Variants in RASSF5 observed in about 807,000 individuals in gnomAD.
RASSF5 encodes the protein Ras association domain family member 5, also known as ras association domain-containing protein 5.
RASSF5 carries 25 observed loss-of-function variants against 40.5 expected under a neutral mutation model. The ratio of observed to expected loss-of-function variants is 0.62; its 90% CI spans 0.45 to 0.86. RASSF5 has a LOEUF of 0.86. Ranked by LOEUF, RASSF5 falls within the 40% of genes least tolerant of loss-of-function variation. The pLI, the probability that RASSF5 is intolerant of heterozygous loss-of-function variation, is 0.00. For missense variants in RASSF5, 521 were observed against 572.8 expected, an observed-to-expected ratio of 0.91 and a Z score of 0.92; for synonymous variants, 246 against 252.4, an observed-to-expected ratio of 0.97 and a Z score of 0.24.
intron 1 of RASSF5, among the ~76,000 whole-genome samples, chr1:206,518,923 G>A (rs782286578): frequency 6.6e-6 from 1 of 151,518 alleles, no homozygotes; most frequent in African/African-American, 2.4e-5. Flanking sequence ...TAGCCCTTCA[G>A]ACCCTGCCAA....
chr1:206,561,069 T>C (rs1553402499), intron 2 of RASSF5, among the ~76,000 whole-genome samples: 1 of 152,216 alleles, frequency 6.6e-6, no homozygotes, highest in African/African-American at 2.4e-5. Flanking sequence ...ACTCTTGGCA[T>C]GTTAAACAGG....
At chr1:206,555,475 G>T (rs1667954039) in intron 2 of RASSF5, among the ~76,000 whole-genome samples, 1 of 151,860 alleles carries the variant, frequency 6.6e-6, no homozygotes. Flanking sequence ...GTTATTGATG[G>T]CCCAAGGATC....
chr1:206,542,445 C>T (rs1332387264), intron 2 of RASSF5: 1 of 152,194 alleles, frequency 6.6e-6, no homozygotes, highest in East Asian at 1.9e-4. Flanking sequence ...CCTGAGGCCT[C>T]CCCAGAAGCC....
Position 206,570,248 on chromosome 1 carries a change from C to G in RASSF5, c.580-13021C>G, listed in dbSNP as rs531439969. ...CTGGCACTACAGGCATGGACCACCA[C>G]GCTTGGCTAATTTTTTTGTATTTTT... On this transcript the variant is annotated intron_variant, in intron 2 of 5. Coordinates refer to ENST00000579436, the MANE Select transcript of RASSF5 (RefSeq NM_182663.4). 1.8e-3 allele frequency among the ~76,000 whole-genome samples: 268 copies of G among 151,998 alleles called. 1 individual carries two copies. Among genetic ancestry groups the G allele is most frequent in the Non-Finnish European group, 2.9e-3 (198 of 67,952 alleles).
At chr1:206,565,333 C>T (rs1220665068) in intron 2 of RASSF5, among the ~76,000 whole-genome samples, 1 of 152,206 alleles carries the variant, frequency 6.6e-6, no homozygotes, top group African/African-American at 2.4e-5. Flanking sequence ...TCTGTGTATC[C>T]TGCCTACAAC....
chr1:206,577,156 C>CT (rs1668686995), intron 2 of RASSF5, among the ~76,000 whole-genome samples: 2 of 152,088 alleles, frequency 1.3e-5, no homozygotes, highest in Admixed American at 6.6e-5. Context: ...CCAGTAGCTG[C>CT]TTTTGTGCCA....
intron 1 of RASSF5, chr1:206,518,567 G>C (rs1273240582): frequency 7.5e-6 from 3 of 398,620 alleles, no homozygotes; most frequent in Non-Finnish European, 1.3e-5. Context: ...CAATCTGACT[G>C]GGGGAGCTTG....
At chr1:206,508,690 T>C (rs896318727) in intron 1 of RASSF5, among the ~76,000 whole-genome samples, 3 of 151,968 alleles carry the variant, frequency 2.0e-5, no homozygotes, top group Non-Finnish European at 4.4e-5. Flanking sequence ...CCTCAAACCT[T>C]TGGACTCTGC....
intron 2 of RASSF5, among the ~76,000 whole-genome samples, chr1:206,558,054 C>T (rs1442100613): frequency 6.6e-6 from 1 of 152,200 alleles, no homozygotes; most frequent in East Asian, 1.9e-4. Flanking sequence ...AAACTGAATG[C>T]CACCCAATCC....
At chr1:206,510,601 C>T (rs563956997) in intron 1 of RASSF5, among the ~76,000 whole-genome samples, 14 of 152,170 alleles carry the variant, frequency 9.2e-5, no homozygotes, top group Non-Finnish European at 1.9e-4. Flanking sequence ...GTACAATTTG[C>T]GAACTCTGCC....
intron 1 of RASSF5, among the ~76,000 whole-genome samples, chr1:206,512,857 T>C (rs933538385): frequency 6.6e-6 from 1 of 152,204 alleles, no homozygotes; most frequent in African/African-American, 2.4e-5. Context: ...GTGCCTTTTC[T>C]CTGAAGAGCC....
intron 1 of RASSF5, among the ~76,000 whole-genome samples, chr1:206,517,044 G>A (rs1398240699): frequency 2.0e-5 from 3 of 152,216 alleles, no homozygotes; most frequent in Non-Finnish European, 4.4e-5. Context: ...CCTTCTCCCT[G>A]AGGAAGCATT....
At chr1:206,574,853 CTTTTTTTT>C (rs71570015) in intron 2 of RASSF5, among the ~76,000 whole-genome samples, 11 of 86,072 alleles carry the variant, frequency 1.3e-4, no homozygotes, top group Admixed American at 1.1e-3. Flanking sequence ...GGACCAATGA[CTTTTTTTT>C]TTTTTTTTTT....
At position 206,584,932 on chromosome 1, in the gene RASSF5, G is replaced by C; in HGVS notation, c.988+248G>C. The C allele has an allele frequency of 1.7e-6, 1 of 605,766 alleles. No individual in the cohort carries two copies. The highest frequency in any genetic ancestry group is 2.7e-5 in the East Asian group (1 of 36,458). The allele number at this position is 605,766 out of a possible 1,614,324, so 37.5% of individuals were successfully genotyped here. ...CATTTCCTGATCTGTGCAATGGGAG[G>C]AATCTGCCCCACCATTCCTAATCTT... On this transcript the variant is annotated intron_variant, in intron 4 of 5. Transcript: ENST00000579436. This position sits in a 1 kb window ranked among gnomAD's most constrained non-coding sequence, Gnocchi z 4.9.
At chr1:206,547,424 T>C (rs1667725447) in intron 2 of RASSF5, among the ~76,000 whole-genome samples, 2 of 151,928 alleles carry the variant, frequency 1.3e-5, no homozygotes, top group Non-Finnish European at 2.9e-5. Flanking sequence ...GCCTGAACCC[T>C]ATTGTGAACT....
rs782029951 is a variant in RASSF5, at chr1:206,584,677, C to T, written c.981C>T (p.Asp327=). The T allele has an allele frequency of 5.6e-6, 9 of 1,614,200 alleles. No homozygotes were observed. The Middle Eastern group carries it at 4.9e-4, about 89-fold the overall frequency. ...KFALFKRIHK[D]GQVLFQKLSI... ...CACTTTTTAAGCGGATACACAAGGACGGACAAGGTAGGAGAAAGAGTGAAC... is the reference window on the plus strand; with the variant it reads ...CACTTTTTAAGCGGATACACAAGGATGGACAAGGTAGGAGAAAGAGTGAAC... Residue 327 remains aspartate (D), a synonymous_variant, in exon 4 of 6, where the codon GAC becomes GAT. Transcript: ENST00000579436. The surrounding 1 kb of genome is among the most constrained non-coding windows in gnomAD (Gnocchi z 4.9).
Position 206,586,801 on chromosome 1 carries a change from C to G in RASSF5, c.1105-25C>G, listed in dbSNP as rs199749166. 6.5e-5 allele frequency: 103 copies of G among 1,595,292 alleles called. No individual in the cohort carries two copies. The African/African-American group carries it at 1.1e-3, about 18-fold the overall frequency. On this transcript the variant is annotated intron_variant, in intron 5 of 5. Coordinates refer to ENST00000579436, the MANE Select transcript of RASSF5 (RefSeq NM_182663.4). Reference sequence around the variant, plus strand: ...ACCTGTCTCCTATTCTGTTTCTTCCCACAAATCTCCCTCTCGCCTCACAGT... The same window carrying G: ...ACCTGTCTCCTATTCTGTTTCTTCCGACAAATCTCCCTCTCGCCTCACAGT...
chr1:206,546,087 CTATTTTTTT>C (rs1667679238), intron 2 of RASSF5, among the ~76,000 whole-genome samples: 5 of 26,430 alleles, frequency 1.9e-4, no homozygotes, highest in Admixed American at 9.0e-4. Context: ...TCTTCTTTTT[CTATTTTTTT>C]TTTTTTTTTT....
At chr1:206,528,662 G>A (rs1436389341) in intron 1 of RASSF5, among the ~76,000 whole-genome samples, 1 of 152,090 alleles carries the variant, frequency 6.6e-6, no homozygotes, top group Non-Finnish European at 1.5e-5. Context: ...ATATGTAGGG[G>A]CAGGGGGTAT....
Sources: gnomAD v4.1 joint callset for allele counts (sites outside exome capture counted in the v4.1 genomes callset) on GRCh38, gnomAD v4.1.1 for gene constraint, Gnocchi (gnomAD v3.1) non-coding constraint, MANE v1.5 for transcripts, NCBI Gene and HGNC (gene_info 2026-07-23, HGNC 2026-07-21) for gene names.